Variants in CREB1 observed in about 807,000 individuals in gnomAD.
CREB1 encodes cyclic AMP-responsive element-binding protein 1.
Under a neutral mutation model 42.0 loss-of-function variants are expected in CREB1, and 2 were observed. That is an observed-to-expected ratio of 0.05 (90% CI 0.02 to 0.15). The LOEUF is 0.15. Ranked by LOEUF, CREB1 falls within the 10% of genes least tolerant of loss-of-function variation. The pLI, the probability that CREB1 is intolerant of heterozygous loss-of-function variation, is 1.00. For missense variants in CREB1, 199 were observed against 388.9 expected (o/e 0.51, Z 4.11); for synonymous variants, 123 against 139.9 (o/e 0.88, Z 0.85).
chr2:207,577,257 G>T (rs2082631569), intron 6 of CREB1: 1 of 1,065,016 alleles, frequency 9.4e-7, no homozygotes, highest in Non-Finnish European at 1.2e-6. Flanking sequence ...GAATAGAACT[G>T]CATTCAAATG....
chr2:207,549,639 CCAAA>C (rs2081422993), intron 1 of CREB1, among the ~76,000 whole-genome samples: 1 of 152,086 alleles, frequency 6.6e-6, no homozygotes, highest in Admixed American at 6.6e-5. Context: ...CTTTAGGAGC[CCAAA>C]GCAGGCAGAT....
intron 1 of CREB1, among the ~76,000 whole-genome samples, chr2:207,541,365 A>G (rs1166513514): frequency 6.6e-6 from 1 of 152,242 alleles, no homozygotes; most frequent in Non-Finnish European, 1.5e-5. Context: ...AGCACCCTGT[A>G]CAGATGTACC....
chr2:207,531,312 T>C (rs2080618284), intron 1 of CREB1, among the ~76,000 whole-genome samples: 1 of 152,198 alleles, frequency 6.6e-6, no homozygotes, highest in African/African-American at 2.4e-5. Context: ...GTGTGAACTT[T>C]AATGAGAGAT....
In CREB1 at chr2:207,565,367, G is replaced by A. The variant is rs1324704982; in HGVS notation, c.262-2096G>A. Among the ~76,000 whole-genome samples, 5 of 152,150 alleles carry A rather than the reference G, an allele frequency of 3.3e-5. No individual in the cohort carries two copies. In the South Asian group the frequency reaches 1.0e-3, roughly 31 times the overall value. ...CAGATGGTATTCCCAAAGAGGAAGT[G>A]TTGTGTTTATTTCAGTGGTCTGAAT... On this transcript the variant is annotated intron_variant, in intron 3 of 7. Transcript: ENST00000353267.
intron 3 of CREB1, among the ~76,000 whole-genome samples, chr2:207,565,668 A>G (rs376974959): frequency 7.2e-5 from 11 of 152,248 alleles, no homozygotes; most frequent in African/African-American, 2.2e-4. Context: ...CCTAATCACT[A>G]TATGTCCTTA....
intron 7 of CREB1, chr2:207,582,302 A>T (rs749543223): frequency 3.2e-6 from 2 of 621,454 alleles, no homozygotes; most frequent in Non-Finnish European, 5.7e-6. Flanking sequence ...TTTAGAATTC[A>T]TCAGTAAATC....
At chr2:207,541,216 T>C (rs1321987870) in intron 1 of CREB1, among the ~76,000 whole-genome samples, 1 of 151,150 alleles carries the variant, frequency 6.6e-6, no homozygotes, top group Admixed American at 6.6e-5. Flanking sequence ...CAAGACTCCA[T>C]CTCAAAAAAA....
intron 3 of CREB1, among the ~76,000 whole-genome samples, chr2:207,562,596 T>C (rs1411985605): frequency 1.3e-5 from 2 of 152,200 alleles, no homozygotes; most frequent in African/African-American, 4.8e-5. Flanking sequence ...TTGGACTTAT[T>C]GAACCCTGGA....
intron 6 of CREB1, among the ~76,000 whole-genome samples, chr2:207,576,194 A>G (rs1178060761): frequency 2.0e-5 from 3 of 150,760 alleles, no homozygotes; most frequent in African/African-American, 7.3e-5. Flanking sequence ...TTTAGAGAAA[A>G]AGTAGTTGTT....
At chr2:207,571,419 C>G (rs925231972) in intron 5 of CREB1, among the ~76,000 whole-genome samples, 6 of 152,166 alleles carry the variant, frequency 3.9e-5, no homozygotes, top group Admixed American at 3.3e-4. Context: ...TTGCGTAACT[C>G]TAATTTGCAT....
rs1221805688 is a variant in CREB1 at position 207,555,758 on chromosome 2, T to C, written c.114+9T>C. The C allele has an allele frequency of 6.4e-7, 1 of 1,569,440 alleles. No individual in the cohort carries two copies. Among genetic ancestry groups the C allele is most frequent in the East Asian group, 2.2e-5 (1 of 44,618 alleles). On this transcript the variant is annotated intron_variant, in intron 2 of 7. Transcript: ENST00000353267. ...TTGCCACATTAGCCCAGGTATAAAA[T>C]ACATGGAGAGATTCCAGTTTGTGTC...
intron 3 of CREB1, chr2:207,561,072 A>G: frequency 6.4e-7 from 1 of 1,558,532 alleles, no homozygotes; most frequent in Non-Finnish European, 8.8e-7. Flanking sequence ...CGTTCATTCA[A>G]GTAGGCCATA....
intron 1 of CREB1, among the ~76,000 whole-genome samples, chr2:207,530,486 C>T (rs2080554667): frequency 6.9e-6 from 1 of 144,502 alleles, no homozygotes; most frequent in South Asian, 2.1e-4. Context: ...GTTCCCGCCG[C>T]CGCCGCCGGG....
At chr2:207,575,945 C>T (rs977467481) in intron 6 of CREB1, among the ~76,000 whole-genome samples, 1 of 66,768 alleles carries the variant, frequency 1.5e-5, no homozygotes, top group African/African-American at 3.8e-5. Context: ...CCCCCCCCCC[C>T]CCCAAAAGAA....
At chr2:207,548,570 G>GTC (rs1413512107) in intron 1 of CREB1, among the ~76,000 whole-genome samples, 2 of 150,648 alleles carry the variant, frequency 1.3e-5, no homozygotes, top group Non-Finnish European at 1.5e-5. Flanking sequence ...GGCCAACATG[G>GTC]TGAAACCCTG....
intron 3 of CREB1, 98 bp from the exon 4 acceptor site, chr2:207,567,365 C>A: frequency 2.7e-6 from 2 of 732,290 alleles, no homozygotes; most frequent in Non-Finnish European, 2.2e-6. Flanking sequence ...TCTACTGAAG[C>A]ATGTATAAAG....
intron 1 of CREB1, among the ~76,000 whole-genome samples, chr2:207,532,248 G>T (rs1300786800): frequency 6.6e-6 from 1 of 151,818 alleles, no homozygotes; most frequent in Admixed American, 6.6e-5. Flanking sequence ...CCAGCTACTC[G>T]GGGGGCTGGG....
At position 207,599,580 on chromosome 2, in the gene CREB1, T is replaced by C. The variant is rs369543832; in HGVS notation, c.*2522T>C. 7.1e-5 allele frequency: 14 copies of C among 197,982 alleles called. No individual in the cohort carries two copies. The South Asian group carries it at 2.7e-3, about 38-fold the overall frequency. The allele number at this position is 197,982 out of a possible 1,614,324, so 12.3% of individuals were successfully genotyped here. On this transcript the variant is annotated 3_prime_UTR_variant, in exon 8 of 8. Transcript: ENST00000353267. ...ATGATTGCACTGGTTTTGAAGTCAG[T>C]TGCTTAATGATGAGGTGAGAAATGT...
intron 1 of CREB1, among the ~76,000 whole-genome samples, chr2:207,537,880 G>A (rs889247336): frequency 6.6e-6 from 1 of 151,958 alleles, no homozygotes; most frequent in African/African-American, 2.4e-5. Context: ...GAAATTCTTG[G>A]GACCAGAAGT....
Sources: gnomAD v4.1 joint callset for allele counts (sites outside exome capture counted in the v4.1 genomes callset) on GRCh38, gnomAD v4.1.1 for gene constraint, MANE v1.5 for transcripts, NCBI Gene and HGNC (gene_info 2026-07-23, HGNC 2026-07-21) for gene names.